The following PHF21B variants were observed in gnomAD, a reference collection of about 807,000 sequenced individuals.
PHF21B encodes PHD finger protein 4.
A neutral mutation model predicts 62.2 loss-of-function variants in PHF21B; 22 were observed. That is an observed-to-expected ratio of 0.35 (90% CI 0.25 to 0.51). The LOEUF (loss-of-function observed/expected upper bound fraction) is 0.51, where lower values mean the gene tolerates loss of function less well. Among genes scored for constraint, PHF21B ranks in the 20% least tolerant of loss-of-function variants. The probability of loss-of-function intolerance (pLI) is 0.97; values close to 1 mark genes in which losing one functional copy is unlikely to be tolerated. For synonymous variants in PHF21B, 341 were observed against 314.7 expected (o/e 1.08, Z -0.88); for missense variants, 701 against 707.9 (o/e 0.99, Z 0.11).
intron 2 of PHF21B, among the ~76,000 whole-genome samples, chr22:44,970,251 T>C (rs902335833): frequency 6.6e-6 from 1 of 152,252 alleles, no homozygotes. Context: ...AGGCTGGCCA[T>C]GCCATGTGAC....
intron 2 of PHF21B, among the ~76,000 whole-genome samples, chr22:44,922,950 T>A (rs536025377): frequency 5.7e-4 from 87 of 152,164 alleles, no homozygotes; most frequent in African/African-American, 2.0e-3. Flanking sequence ...AGCTTTTTTT[T>A]AAAAAAATAG....
At chr22:44,992,846 C>T (rs942724229) in intron 2 of PHF21B, among the ~76,000 whole-genome samples, 5 of 152,336 alleles carry the variant, frequency 3.3e-5, no homozygotes, top group African/African-American at 1.2e-4. Context: ...ACGATCCTGT[C>T]GGCCTCATCC....
chr22:44,961,618 A>G (rs1189248605), intron 2 of PHF21B, among the ~76,000 whole-genome samples: 1 of 152,088 alleles, frequency 6.6e-6, no homozygotes, highest in Non-Finnish European at 1.5e-5. Flanking sequence ...ACGTGGGCAG[A>G]GCACCTGAGG....
chr22:44,894,947 C>T (rs976640044), intron 6 of PHF21B, among the ~76,000 whole-genome samples: 2 of 152,206 alleles, frequency 1.3e-5, no homozygotes, highest in Non-Finnish European at 2.9e-5. Flanking sequence ...GCTTCGGTGG[C>T]TCACCTGCTG....
chr22:45,008,326 C>T lies in PHF21B; in HGVS notation c.120+219G>A, dbSNP rs1034844660. On this transcript the variant is annotated intron_variant, in intron 2 of 12. Coordinates refer to ENST00000313237, the MANE Select transcript of PHF21B (RefSeq NM_138415.5). ...CGCGCTGCCTTTTAAGTGAGCTCCT[C>T]TCTTCGGCCCCCGCAGGGCCCGGCT... 2.4e-5 allele frequency: 10 copies of T among 410,684 alleles called. No individual in the cohort carries two copies. The Admixed American group carries it at 4.3e-4, about 18-fold the overall frequency. The allele number at this position is 410,684 out of a possible 1,614,324, so 25.4% of individuals were successfully genotyped here. A position where few individuals can be genotyped will look rare whatever the true frequency, so the allele number is the denominator to read the frequency against.
chr22:44,950,279 C>T (rs1047366354), intron 2 of PHF21B, among the ~76,000 whole-genome samples: 12 of 152,356 alleles, frequency 7.9e-5, no homozygotes, highest in East Asian at 1.9e-4. Context: ...GGTTGCGTAC[C>T]GCAGTGACTC....
At chr22:44,949,442 C>G (rs2072150424) in intron 2 of PHF21B, among the ~76,000 whole-genome samples, 1 of 152,120 alleles carries the variant, frequency 6.6e-6, no homozygotes, top group South Asian at 2.1e-4. Context: ...CCAGTGTTCC[C>G]TCGTCACCCC....
At position 44,894,902 on chromosome 22, in the gene PHF21B, T is replaced by G. The variant is rs955795237; in HGVS notation, c.883+1130A>C. On this transcript the variant is annotated intron_variant, in intron 6 of 12. Transcript: ENST00000313237. ...CTGCTCCCACTTGCCCCGGATGAGC[T>G]GTGTGACCTCAGCCAGGTCCCTCCC... 6.6e-5 allele frequency among the ~76,000 whole-genome samples: 10 copies of G among 152,178 alleles called. 1 individual carries two copies. The highest frequency in any genetic ancestry group is 3.3e-4 in the Admixed American group (5 of 15,286).
At chr22:44,902,746 GA>G (rs1469964531) in intron 5 of PHF21B, among the ~76,000 whole-genome samples, 2 of 151,324 alleles carry the variant, frequency 1.3e-5, no homozygotes, top group Non-Finnish European at 2.9e-5. Flanking sequence ...ATCACAGCAG[GA>G]TATCAATTTT....
intron 2 of PHF21B, chr22:44,971,334 T>C (rs1156759456): frequency 4.6e-5 from 7 of 152,184 alleles, no homozygotes. Context: ...GAATTCTTTC[T>C]GCCATGTGTT....
chr22:44,988,120 A>G (rs1215678020), intron 2 of PHF21B, among the ~76,000 whole-genome samples: 2 of 152,216 alleles, frequency 1.3e-5, no homozygotes, highest in Non-Finnish European at 2.9e-5. Flanking sequence ...ACCATGAACT[A>G]ATATTTCATC....
intron 5 of PHF21B, among the ~76,000 whole-genome samples, chr22:44,910,965 C>A (rs1219749851): frequency 6.6e-6 from 1 of 152,188 alleles, no homozygotes; most frequent in East Asian, 1.9e-4. Context: ...GTGAGATGAA[C>A]AATAAGGTCA....
chr22:44,911,280 A>G (rs1249090327), intron 5 of PHF21B, among the ~76,000 whole-genome samples: 1 of 152,250 alleles, frequency 6.6e-6, no homozygotes, highest in Non-Finnish European at 1.5e-5. Flanking sequence ...TTTTCTGAGG[A>G]GAAATTCAAG....
intron 7 of PHF21B, 121 bp downstream of exon 7, chr22:44,893,336 G>A (rs900711949): frequency 7.9e-6 from 7 of 889,358 alleles, no homozygotes; most frequent in Non-Finnish European, 1.2e-5. Flanking sequence ...CCCACTCCCA[G>A]GAGGGACAGA....
At chr22:44,944,188 G>A (rs897621511) in intron 2 of PHF21B, among the ~76,000 whole-genome samples, 1 of 152,196 alleles carries the variant, frequency 6.6e-6, no homozygotes, top group African/African-American at 2.4e-5. Flanking sequence ...CACCTATGGC[G>A]TGTGTTGTCA....
At chr22:45,005,579 G>A (rs2073300832) in intron 2 of PHF21B, among the ~76,000 whole-genome samples, 1 of 152,192 alleles carries the variant, frequency 6.6e-6, no homozygotes, top group Non-Finnish European at 1.5e-5. Flanking sequence ...AAGTAACTGA[G>A]AAAAACATCG....
intron 2 of PHF21B, among the ~76,000 whole-genome samples, chr22:44,987,371 C>CG (rs1335518694): frequency 6.6e-6 from 1 of 152,128 alleles, no homozygotes; most frequent in Admixed American, 6.5e-5. Flanking sequence ...CAGAAGGTAA[C>CG]GGCCAGGCTG....
intron 12 of PHF21B, among the ~76,000 whole-genome samples, chr22:44,884,882 C>T (rs1429237603): frequency 6.6e-6 from 1 of 151,894 alleles, no homozygotes; most frequent in Non-Finnish European, 1.5e-5. Context: ...ATCACCATTA[C>T]TACCATCACC....
In PHF21B at chr22:44,888,058, C is replaced by T. The variant is rs912041378; in HGVS notation, c.1102G>A (p.Gly368Ser). ...AGGTGGTAGGCCCCCGGGCAGGTGC[C>T]GCAGGGCTGCAGGTTGGCCCCTCGC... Reference protein sequence around the residue: ...CKRGANLQPCGTCPGAYHLSC... With the variant: ...CKRGANLQPCSTCPGAYHLSC... The change falls in exon 10 of 13, where the codon GGC becomes AGC. Residue 368 changes from glycine to serine, a missense_variant. By Grantham distance (56) the Gly-to-Ser change is moderately conservative. Transcript: ENST00000313237. 14 of 1,551,056 alleles carry T rather than the reference C, an allele frequency of 9.0e-6. No individual in the cohort carries two copies. Among genetic ancestry groups the T allele is most frequent in the Admixed American group, 2.0e-5 (1 of 51,056 alleles).
Sources: gnomAD v4.1 joint callset for allele counts (sites outside exome capture counted in the v4.1 genomes callset) on GRCh38, gnomAD v4.1.1 for gene constraint, MANE v1.5 for transcripts, NCBI Gene and HGNC (gene_info 2026-07-23, HGNC 2026-07-21) for gene names.